The following LARP1B variants were observed in gnomAD, a reference collection of about 807,000 sequenced individuals.
The protein encoded by LARP1B is la-related protein 1B.
In LARP1B, 76 loss-of-function variants were observed where a neutral mutation model predicts 114.2. That is an observed-to-expected ratio of 0.67 (90% CI 0.55 to 0.81). The LOEUF (loss-of-function observed/expected upper bound fraction) is 0.81. LARP1B is among the 30% of genes least tolerant of loss of function. The probability of loss-of-function intolerance (pLI) is 0.00; values close to 1 mark genes in which losing one functional copy is unlikely to be tolerated. For missense variants in LARP1B, 1,014 were observed against 1,075.8 expected (o/e 0.94, Z 0.80); for synonymous variants, 345 against 348.0 (o/e 0.99, Z 0.10).
In LARP1B at chr4:128,122,143, G is replaced by C; in HGVS notation, c.1479G>C (p.Gln493His). The C allele has an allele frequency of 6.2e-7, 1 of 1,613,894 alleles. No homozygotes were observed. Among genetic ancestry groups the C allele is most frequent in the Non-Finnish European group, 8.5e-7 (1 of 1,179,878 alleles). ...VINDGLYYYE[Q>H]DLWMEEDENK... is the part of the protein sequence containing the mutation. ...ATGATGGCTTATACTATTATGAACA[G>C]GATCTATGGATGGAAGAAGATGAAA... is the stretch of plus-strand genomic sequence containing the variant. The change falls in exon 11 of 20, where the codon CAG (glutamine) becomes CAC (histidine). Residue 493 changes from glutamine to histidine, a missense_variant. Transcript: ENST00000326639.
At chr4:128,135,758 G>A (rs1793163965) in intron 11 of LARP1B, among the ~76,000 whole-genome samples, 1 of 152,182 alleles carries the variant, frequency 6.6e-6, no homozygotes, top group Non-Finnish European at 1.5e-5. Context: ...TAGTTGCCAG[G>A]AGCTGAAGGG....
intron 15 of LARP1B, among the ~76,000 whole-genome samples, chr4:128,196,246 G>T (rs1578613416): frequency 1.9e-5 from 1 of 52,588 alleles, no homozygotes; most frequent in Non-Finnish European, 3.5e-5. Flanking sequence ...GTGAGAGTCT[G>T]TCAAAAAAAA....
intron 11 of LARP1B, among the ~76,000 whole-genome samples, chr4:128,154,869 G>A (rs757774603): frequency 2.4e-4 from 37 of 152,114 alleles, no homozygotes; most frequent in Middle Eastern, 3.4e-3. Flanking sequence ...CGTCTCCTGG[G>A]TTCAAGCAGT....
Position 128,201,500 on chromosome 4 carries a change from T to G in LARP1B, c.2309+835T>G, listed in dbSNP as rs551425765. On this transcript the variant is annotated intron_variant, in intron 17 of 19. Coordinates refer to ENST00000326639, the MANE Select transcript of LARP1B (RefSeq NM_018078.4). The stretch of plus-strand genomic sequence containing the variant: ...CTCACAATATGTCCTTTGACTCACC[T>G]TGTCTAATTTTTTCCCCGCTAGTCC... 3.3e-5 allele frequency among the ~76,000 whole-genome samples: 5 copies of G among 152,250 alleles called. No individual in the cohort carries two copies. The East Asian group carries it at 9.6e-4, about 29-fold the overall frequency.
chr4:128,119,238 G>C (rs949083822), intron 10 of LARP1B, among the ~76,000 whole-genome samples: 2 of 152,202 alleles, frequency 1.3e-5, no homozygotes, highest in African/African-American at 4.8e-5. Flanking sequence ...CACCTAGGCA[G>C]AGAATAGGGA....
intron 5 of LARP1B, among the ~76,000 whole-genome samples, chr4:128,089,723 C>T (rs1775124549): frequency 6.6e-6 from 1 of 151,886 alleles, no homozygotes; most frequent in South Asian, 2.1e-4. Flanking sequence ...CTTTCATTGT[C>T]TTAATTTGCA....
At chr4:128,145,155 T>G (rs1729779598) in intron 11 of LARP1B, among the ~76,000 whole-genome samples, 1 of 152,214 alleles carries the variant, frequency 6.6e-6, no homozygotes, top group African/African-American at 2.4e-5. Context: ...TTCGTTAGGT[T>G]AGATCTGTGG....
intron 8 of LARP1B, among the ~76,000 whole-genome samples, chr4:128,101,699 C>T (rs755876407): frequency 1.3e-4 from 20 of 151,742 alleles, no homozygotes; most frequent in South Asian, 2.1e-4. Context: ...AGGTTGGTCT[C>T]GAACTCCTGG....
intron 9 of LARP1B, chr4:128,108,658 T>G: frequency 1.0e-6 from 1 of 984,834 alleles, no homozygotes; most frequent in Non-Finnish European, 1.2e-6. Flanking sequence ...GCTAGTGGTT[T>G]TTAATTTATT....
At chr4:128,214,215 G>C (rs1407198954), downstream of LARP1B, among the ~76,000 whole-genome samples, 1 of 143,684 alleles carries the variant, frequency 7.0e-6, no homozygotes, top group Non-Finnish European at 1.5e-5. Context: ...AGGTGGCAAC[G>C]AGGCTGGTGG....
intron 12 of LARP1B, 147 bp downstream of exon 12, chr4:128,162,464 C>T: frequency 1.4e-6 from 1 of 705,634 alleles, no homozygotes; most frequent in Non-Finnish European, 2.2e-6. Flanking sequence ...CAACTTTTAT[C>T]CTTTTGTGAA....
At chr4:128,214,203 C>T (rs1009018643), downstream of LARP1B, among the ~76,000 whole-genome samples, 33 of 134,326 alleles carry the variant, frequency 2.5e-4, no homozygotes, top group Middle Eastern at 3.6e-3. Context: ...GATCAAACTG[C>T]AAGGTGGCAA....
At chr4:128,207,121 A>G (rs1377090939) in intron 18 of LARP1B, 135 bp from the exon 19 acceptor site, 5 of 449,250 alleles carry the variant, frequency 1.1e-5, no homozygotes, top group African/African-American at 2.0e-5. Context: ...TTAATTCATT[A>G]CATGTCTTAT....
chr4:128,121,049 T>G (rs544886478), intron 10 of LARP1B, among the ~76,000 whole-genome samples: 2 of 151,972 alleles, frequency 1.3e-5, no homozygotes, highest in African/African-American at 4.8e-5. Flanking sequence ...GACCTTGTGA[T>G]CCACCCGCCT....
At chr4:128,130,170 T>C (rs1302614335) in intron 11 of LARP1B, among the ~76,000 whole-genome samples, 4 of 152,088 alleles carry the variant, frequency 2.6e-5, no homozygotes, top group Admixed American at 2.6e-4. Flanking sequence ...CTGGGCAACA[T>C]AGTGAGACTG....
At chr4:128,206,106 C>T (rs1757519171) in intron 17 of LARP1B, among the ~76,000 whole-genome samples, 1 of 152,094 alleles carries the variant, frequency 6.6e-6, no homozygotes, top group African/African-American at 2.4e-5. Context: ...GCCTGGCCAA[C>T]ATGGTGAAAC....
At chr4:128,081,551 G>A (rs1770444614) in intron 4 of LARP1B, among the ~76,000 whole-genome samples, 1 of 152,076 alleles carries the variant, frequency 6.6e-6, no homozygotes, top group African/African-American at 2.4e-5. Context: ...GTTCAGTTGT[G>A]TGTTTGGGAT....
intron 18 of LARP1B, chr4:128,206,960 A>G (rs1757784164): frequency 2.2e-6 from 1 of 462,674 alleles, no homozygotes; most frequent in South Asian, 9.2e-5. Flanking sequence ...TAAATTGCCT[A>G]CCCTTGCTAG....
At chr4:128,105,419 A>G (rs1435086156) in intron 8 of LARP1B, among the ~76,000 whole-genome samples, 1 of 152,172 alleles carries the variant, frequency 6.6e-6, no homozygotes, top group Non-Finnish European at 1.5e-5. Flanking sequence ...CTGGGGTGTC[A>G]TTGCTTCTAG....
Sources: allele counts gnomAD v4.1 joint callset (sites outside exome capture counted in the v4.1 genomes callset), GRCh38; gene constraint gnomAD v4.1.1; transcripts MANE v1.5; gene names NCBI Gene and HGNC (gene_info 2026-07-23, HGNC 2026-07-21).